Variants in TTLL11 observed in about 807,000 individuals in gnomAD.
TTLL11 encodes tubulin tyrosine ligase like 11, also known as tubulin polyglutamylase TTLL11.
TTLL11 carries 42 observed loss-of-function variants against 51.7 expected under a neutral mutation model. The observed-to-expected ratio is 0.81, with a 90% CI of 0.64 to 1.05. The LOEUF (loss-of-function observed/expected upper bound fraction) is 1.05. TTLL11 is among the 50% of genes least tolerant of loss of function. The probability of loss-of-function intolerance (pLI) is 0.00; values close to 1 mark genes in which losing one functional copy is unlikely to be tolerated. For missense variants in TTLL11, 799 were observed against 940.4 expected (o/e 0.85, Z 1.97); for synonymous variants, 381 against 383.5 (o/e 0.99, Z 0.08).
intron 6 of TTLL11, among the ~76,000 whole-genome samples, chr9:121,887,666 C>G (rs1407021561): frequency 6.6e-6 from 1 of 152,204 alleles, no homozygotes; most frequent in African/African-American, 2.4e-5. Flanking sequence ...GCCAGAAGGC[C>G]GACCACAGCG....
intron 6 of TTLL11, among the ~76,000 whole-genome samples, chr9:121,898,959 GCTCCTGATAA>G (rs1839647920): frequency 6.6e-6 from 1 of 152,142 alleles, no homozygotes; most frequent in African/African-American, 2.4e-5. Flanking sequence ...TCTTTGCCTG[GCTCCTGATAA>G]CTCGGGAAAT....
chr9:121,922,501 G>A (rs187351783), intron 6 of TTLL11, among the ~76,000 whole-genome samples: 1 of 152,322 alleles, frequency 6.6e-6, no homozygotes, highest in East Asian at 1.9e-4. Context: ...GGCCAGAGGA[G>A]ACATAAAACA....
At chr9:122,035,463 A>G (rs947497532) in intron 2 of TTLL11, among the ~76,000 whole-genome samples, 1 of 152,236 alleles carries the variant, frequency 6.6e-6, no homozygotes, top group South Asian at 2.1e-4. Context: ...AACTGACAGC[A>G]TAACAGTTCA....
intron 6 of TTLL11, among the ~76,000 whole-genome samples, chr9:121,935,120 ATT>A (rs34653983): frequency 6.8e-6 from 1 of 147,814 alleles, no homozygotes; most frequent in Non-Finnish European, 1.5e-5. Context: ...ATGCCCGGCT[ATT>A]TTTTTTTTGT....
intron 6 of TTLL11, among the ~76,000 whole-genome samples, chr9:121,914,151 A>G (rs1840240216): frequency 6.6e-6 from 1 of 152,238 alleles, no homozygotes; most frequent in Non-Finnish European, 1.5e-5. Flanking sequence ...TTGACAAGCT[A>G]TGGCCCTTGG....
At chr9:121,928,951 AAC>A in intron 6 of TTLL11, among the ~76,000 whole-genome samples, 1 of 152,298 alleles carries the variant, frequency 6.6e-6, no homozygotes, top group Non-Finnish European at 1.5e-5. Flanking sequence ...GTACACACAC[AAC>A]ATACATTTGC....
chr9:121,851,839 G>T (rs1048754873), intron 8 of TTLL11, among the ~76,000 whole-genome samples: 28 of 16,766 alleles, frequency 1.7e-3, no homozygotes, highest in African/African-American at 3.9e-3. Context: ...AGGAGTGGTG[G>T]GGGGGAAGCC....
At chr9:122,086,214 A>G (rs1231274880) in intron 1 of TTLL11, among the ~76,000 whole-genome samples, 2 of 152,306 alleles carry the variant, frequency 1.3e-5, no homozygotes, top group South Asian at 2.1e-4. Context: ...AGCCCCTTGA[A>G]TTTATTGTCT....
chr9:121,881,557 G>C (rs866549856), intron 6 of TTLL11, among the ~76,000 whole-genome samples: 1 of 152,264 alleles, frequency 6.6e-6, no homozygotes, highest in Non-Finnish European at 1.5e-5. Context: ...ACTTACCTGC[G>C]CTGGCACATC....
intron 8 of TTLL11, among the ~76,000 whole-genome samples, chr9:121,831,147 C>T (rs1362948545): frequency 1.3e-5 from 2 of 152,134 alleles, no homozygotes; most frequent in South Asian, 2.1e-4. Flanking sequence ...CACCTCAGGC[C>T]GAGGAAACTG....
chr9:121,961,051 C>T (rs1447015743), intron 6 of TTLL11, among the ~76,000 whole-genome samples: 1 of 152,192 alleles, frequency 6.6e-6, no homozygotes, highest in Non-Finnish European at 1.5e-5. Flanking sequence ...CTGCCAAACA[C>T]TTGGTGTGAT....
At chr9:121,960,866 G>A (rs1405833124) in intron 6 of TTLL11, among the ~76,000 whole-genome samples, 1 of 152,084 alleles carries the variant, frequency 6.6e-6, no homozygotes, top group East Asian at 1.9e-4. Context: ...TGCACGCCCA[G>A]AGAGGATGAG....
chr9:122,031,949 C>A lies in TTLL11; in HGVS notation c.560-93G>T, dbSNP rs537888556. 9.7e-5 allele frequency: 144 copies of A among 1,480,784 alleles called. 1 individual carries two copies. Among genetic ancestry groups the A allele is most frequent in the Middle Eastern group, 7.5e-4 (4 of 5,326 alleles). The allele number at this position is 1,480,784 out of a possible 1,614,324, so 91.7% of individuals were successfully genotyped here. A position where few individuals can be genotyped will look rare whatever the true frequency, so the allele number is the denominator to read the frequency against. On this transcript the variant is annotated intron_variant, in intron 2 of 8. Coordinates refer to ENST00000321582, the MANE Select transcript of TTLL11 (RefSeq NM_001139442.2). ...GGGACTTTTAAAACCACCCACCCGA[C>A]ATATTCTCTTTTTCAGGCAGGATTT...
intron 8 of TTLL11, among the ~76,000 whole-genome samples, chr9:121,834,721 G>T (rs996916517): frequency 2.6e-5 from 4 of 152,036 alleles, no homozygotes; most frequent in African/African-American, 9.7e-5. Context: ...TAGCTACTCA[G>T]GAGGCTGAGG....
At chr9:121,897,618 G>GCACACACACACACA (rs745877337) in intron 6 of TTLL11, among the ~76,000 whole-genome samples, 27 of 136,944 alleles carry the variant, frequency 2.0e-4, no homozygotes, top group African/African-American at 7.1e-4. Flanking sequence ...TTCCCTCCAG[G>GCACACACACACACA]CACACACACA....
chr9:121,893,684 T>C (rs910570346), intron 6 of TTLL11, among the ~76,000 whole-genome samples: 3 of 152,154 alleles, frequency 2.0e-5, no homozygotes, highest in Admixed American at 6.5e-5. Context: ...TCTGCCTGTA[T>C]CTGCTGGACC....
intron 8 of TTLL11, among the ~76,000 whole-genome samples, chr9:121,833,581 C>T (rs1313215962): frequency 5.9e-5 from 9 of 152,062 alleles, no homozygotes; most frequent in African/African-American, 1.7e-4. Flanking sequence ...GACATGTTTA[C>T]GCGTATTCTT....
chr9:121,885,618 C>T (rs1838980342), intron 6 of TTLL11: 1 of 152,200 alleles, frequency 6.6e-6, no homozygotes, highest in African/African-American at 2.4e-5. Flanking sequence ...CAAGGTCATC[C>T]AGCTTAGAAG....
intron 2 of TTLL11, among the ~76,000 whole-genome samples, chr9:122,037,100 T>C (rs1844724377): frequency 6.6e-6 from 1 of 152,162 alleles, no homozygotes; most frequent in African/African-American, 2.4e-5. Context: ...CTATAGCTAC[T>C]TCTTTCCTAC....
Sources: gnomAD v4.1 joint callset for allele counts (sites outside exome capture counted in the v4.1 genomes callset) on GRCh38, gnomAD v4.1.1 for gene constraint, MANE v1.5 for transcripts, NCBI Gene and HGNC (gene_info 2026-07-23, HGNC 2026-07-21) for gene names.